The following PLEKHB2 variants were observed in gnomAD, a reference collection of about 807,000 sequenced individuals.
PLEKHB2 encodes the protein pleckstrin homology domain containing B2.
In PLEKHB2, 31 loss-of-function variants were observed where a neutral mutation model predicts 36.5. That is an observed-to-expected ratio of 0.85 (90% CI 0.64 to 1.15). The LOEUF (loss-of-function observed/expected upper bound fraction) is 1.15. Among genes scored for constraint, PLEKHB2 ranks in the 50% most tolerant of loss-of-function variants. PLEKHB2 has a pLI of 0.00. For synonymous variants in PLEKHB2, 119 were observed against 112.0 expected (o/e 1.06, Z -0.39); for missense variants, 262 against 295.3 (o/e 0.89, Z 0.83).
intron 2 of PLEKHB2, among the ~76,000 whole-genome samples, chr2:131,121,698 T>G (rs1360946531): frequency 1.3e-5 from 2 of 152,180 alleles, no homozygotes; most frequent in African/African-American, 4.8e-5. Flanking sequence ...TTTGTAATTA[T>G]GTGGCTGAAG....
chr2:131,129,848 G>GT (rs908627943), intron 4 of PLEKHB2, among the ~76,000 whole-genome samples: 15 of 151,904 alleles, frequency 9.9e-5, no homozygotes, highest in Non-Finnish European at 1.5e-4. Context: ...CAGATATCTA[G>GT]TTTTTTTTGA....
chr2:131,124,492 A>C (rs1696891141), intron 2 of PLEKHB2, among the ~76,000 whole-genome samples: 1 of 152,214 alleles, frequency 6.6e-6, no homozygotes, highest in East Asian at 1.9e-4. Flanking sequence ...AGTCAAGGAA[A>C]TTACTGTTTT....
chr2:131,138,794 G>A (rs1698510160), intron 6 of PLEKHB2, among the ~76,000 whole-genome samples: 1 of 152,158 alleles, frequency 6.6e-6, no homozygotes, highest in Admixed American at 6.5e-5. Flanking sequence ...CCATCTCAGT[G>A]GAATAGGGAG....
chr2:131,137,690 A>T (rs1698405532), intron 6 of PLEKHB2, among the ~76,000 whole-genome samples: 1 of 152,104 alleles, frequency 6.6e-6, no homozygotes, highest in African/African-American at 2.4e-5. Flanking sequence ...TTTTATGAAT[A>T]GTTTCAAAGA....
intron 4 of PLEKHB2, among the ~76,000 whole-genome samples, chr2:131,128,749 A>G (rs1372549315): frequency 6.6e-6 from 1 of 152,226 alleles, no homozygotes; most frequent in African/African-American, 2.4e-5. Flanking sequence ...GATCAGAGAT[A>G]TGTTAGACTA....
Position 131,126,700 on chromosome 2 carries a change from T to A in PLEKHB2, c.207T>A (p.Asp69Glu). 6.2e-7 allele frequency: 1 copy of A among 1,606,546 alleles called. No homozygotes were observed. The highest frequency in any genetic ancestry group is 8.5e-7 in the Non-Finnish European group (1 of 1,173,086). Residue 69 changes from aspartate (D) to glutamate (E), a missense_variant, in exon 4 of 8, where the codon GAT becomes GAA. Physicochemically the swap from Asp to Glu is conservative, Grantham distance 45. Transcript: ENST00000693505. ...GQECRDTQPP[D>E]GKSKDCMLQI... ...TTTTCATAGATACTCAGCCCCCGGA[T>A]GGAAAGTCAAAAGACTGCATGCTCC...
intron 1 of PLEKHB2, among the ~76,000 whole-genome samples, chr2:131,108,584 T>C (rs113827837): frequency 0.022 from 3,281 of 152,274 alleles, 122 homozygotes; most frequent in African/African-American, 0.074. Flanking sequence ...AAGAAGGCCA[T>C]ACATAAAATA....
chr2:131,118,693 G>A (rs1393265232), intron 1 of PLEKHB2, among the ~76,000 whole-genome samples: 9 of 151,464 alleles, frequency 5.9e-5, no homozygotes, highest in South Asian at 2.1e-4. Flanking sequence ...GTGAAACCCC[G>A]TCTTTACTGA....
chr2:131,142,108 C>T (rs1209261481), intron 7 of PLEKHB2, among the ~76,000 whole-genome samples: 3 of 152,090 alleles, frequency 2.0e-5, no homozygotes, highest in Non-Finnish European at 4.4e-5. Flanking sequence ...TTAGATACGC[C>T]GATTCACCTA....
At chr2:131,117,865 A>C (rs1696048710) in intron 1 of PLEKHB2, among the ~76,000 whole-genome samples, 1 of 152,200 alleles carries the variant, frequency 6.6e-6, no homozygotes, top group Admixed American at 6.5e-5. Flanking sequence ...CTGTATCCTT[A>C]GTGTCTAGGA....
chr2:131,120,375 G>T (rs560838527), intron 1 of PLEKHB2: 1 of 155,310 alleles, frequency 6.4e-6, no homozygotes, highest in African/African-American at 2.4e-5. Context: ...GTGCCCAGCC[G>T]TGACTGTTTC....
intron 1 of PLEKHB2, among the ~76,000 whole-genome samples, chr2:131,113,945 T>G (rs1018203067): frequency 1.3e-5 from 2 of 152,084 alleles, no homozygotes; most frequent in Admixed American, 6.6e-5. Context: ...AATTTCTGAG[T>G]CTGTTTTTAT....
chr2:131,142,097 T>A (rs1192450531), intron 7 of PLEKHB2, among the ~76,000 whole-genome samples: 1 of 152,110 alleles, frequency 6.6e-6, no homozygotes, highest in East Asian at 1.9e-4. Flanking sequence ...TCTGGGACAG[T>A]TTAGATACGC....
intron 1 of PLEKHB2, chr2:131,120,550 G>GC (rs1407426240): frequency 6.7e-6 from 2 of 299,478 alleles, no homozygotes; most frequent in African/African-American, 4.3e-5. Flanking sequence ...CAGCACCCCT[G>GC]CCTGGGCCAT....
chr2:131,130,817 C>G (rs1573591465), intron 5 of PLEKHB2, 57 bp downstream of exon 5: 1 of 1,260,920 alleles, frequency 7.9e-7, no homozygotes, highest in Non-Finnish European at 1.2e-6. Flanking sequence ...AGGTGTCACT[C>G]TCACTCAGGC....
rs752436275 is a variant in PLEKHB2, at chr2:131,128,347, G to A, written c.293+1561G>A. ...CAGATATACCATGAAGGAAAAATAAGAAAAGGAAAATGCAAGCCTCAGGAA... is the reference window on the plus strand; with the variant it reads ...CAGATATACCATGAAGGAAAAATAAAAAAAGGAAAATGCAAGCCTCAGGAA... On this transcript the variant is annotated intron_variant, in intron 4 of 7. Coordinates refer to ENST00000693505, the MANE Select transcript of PLEKHB2 (RefSeq NM_001100623.2). Among the ~76,000 whole-genome samples, 1,020 of 152,194 alleles carry A rather than the reference G, an allele frequency of 6.7e-3. 2 individuals are homozygous for A. The highest frequency in any genetic ancestry group is 0.011 in the Non-Finnish European group (737 of 68,006).
chr2:131,105,675 C>T (rs1035279537), intron 1 of PLEKHB2, among the ~76,000 whole-genome samples: 12 of 152,176 alleles, frequency 7.9e-5, no homozygotes, highest in African/African-American at 2.4e-4. Context: ...CCCCCGGCCT[C>T]TCAGACCCCT....
intron 1 of PLEKHB2, among the ~76,000 whole-genome samples, chr2:131,111,743 G>A (rs1227750123): frequency 1.3e-5 from 2 of 151,884 alleles, no homozygotes; most frequent in East Asian, 1.9e-4. Context: ...TACTCTCCTC[G>A]GCCTCCTAAA....
chr2:131,121,212 C>T (rs547130386), intron 2 of PLEKHB2, among the ~76,000 whole-genome samples: 1 of 152,176 alleles, frequency 6.6e-6, no homozygotes, highest in African/African-American at 2.4e-5. Flanking sequence ...CTGCTGCTTT[C>T]GCTCTCCTCA....
Sources: allele counts gnomAD v4.1 joint callset (sites outside exome capture counted in the v4.1 genomes callset), GRCh38; gene constraint gnomAD v4.1.1; transcripts MANE v1.5; gene names NCBI Gene and HGNC (gene_info 2026-07-23, HGNC 2026-07-21).